The following TTC21B variants were observed in gnomAD, a reference collection of about 807,000 sequenced individuals.
The protein encoded by TTC21B is tetratricopeptide repeat protein 21B.
TTC21B carries 127 observed loss-of-function variants against 175.1 expected under a neutral mutation model. The observed-to-expected ratio is 0.73, with a 90% CI of 0.63 to 0.84. TTC21B has a LOEUF of 0.84. TTC21B is among the 40% of genes least tolerant of loss of function. The pLI, the probability that TTC21B is intolerant of heterozygous loss-of-function variation, is 0.00. For synonymous variants in TTC21B, 524 were observed against 524.5 expected, an observed-to-expected ratio of 1.00 and a Z score of 0.01; for missense variants, 1,561 against 1,558.3, an observed-to-expected ratio of 1.00 and a Z score of -0.03.
At chr2:165,901,276 A>T (rs950978176) in intron 20 of TTC21B, among the ~76,000 whole-genome samples, 13 of 151,856 alleles carry the variant, frequency 8.6e-5, no homozygotes, top group African/African-American at 3.1e-4. Flanking sequence ...TTAATCTTTT[A>T]ACTTGTATTT....
chr2:165,904,679 T>C (rs1685671881), intron 19 of TTC21B, among the ~76,000 whole-genome samples: 1 of 152,202 alleles, frequency 6.6e-6, no homozygotes, highest in African/African-American at 2.4e-5. Context: ...ACACTCTCTG[T>C]GGGAAAATAA....
chr2:165,950,747 A>G (rs1195645041), intron 1 of TTC21B, among the ~76,000 whole-genome samples: 1 of 152,142 alleles, frequency 6.6e-6, no homozygotes, highest in Non-Finnish European at 1.5e-5. Flanking sequence ...ATCTGGGACT[A>G]TAGGCACACC....
intron 18 of TTC21B, among the ~76,000 whole-genome samples, 191 bp from the exon 19 acceptor site, chr2:165,907,975 C>A (rs1685798190): frequency 6.6e-6 from 1 of 151,286 alleles, no homozygotes; most frequent in African/African-American, 2.4e-5. Flanking sequence ...AGGATAAAAA[C>A]TGGCTGGATG....
chr2:165,943,330 C>T lies in TTC21B; in HGVS notation c.441G>A (p.Leu147=), dbSNP rs147696806. ...ISDGSKQGHV[L]KAWLDITRGK... ...CTCTTGTAATATCAAGCCATGCTTT[C>T]AAAACGTGTCCCTGTAAAATGAATA... The change falls in exon 5 of 29, where the codon TTG becomes TTA. Residue 147 remains leucine, a synonymous_variant. Coordinates refer to ENST00000243344, the MANE Select transcript of TTC21B (RefSeq NM_024753.5). 30 of 1,606,992 alleles carry T rather than the reference C, an allele frequency of 1.9e-5. No individual in the cohort carries two copies. In the African/African-American group the frequency reaches 3.7e-4, roughly 20 times the overall value.
At chr2:165,940,938 A>G in intron 6 of TTC21B, 89 bp downstream of exon 6, 5 of 1,459,876 alleles carry the variant, frequency 3.4e-6, no homozygotes, top group Non-Finnish European at 3.8e-6. Flanking sequence ...CAAATTTAAA[A>G]ACCCTTATGA....
At chr2:165,921,428 C>A (rs1686400819) in intron 12 of TTC21B, among the ~76,000 whole-genome samples, 1 of 152,176 alleles carries the variant, frequency 6.6e-6, no homozygotes, top group African/African-American at 2.4e-5. Flanking sequence ...CCCTATCAGA[C>A]CTCACCCTGT....
intron 5 of TTC21B, 31 bp from the exon 6 acceptor site, chr2:165,941,215 A>G (rs1687356317): frequency 1.2e-6 from 2 of 1,612,784 alleles, no homozygotes; most frequent in Non-Finnish European, 1.7e-6. Context: ...TGATATCCAA[A>G]CTGTGATCTT....
At chr2:165,895,235 G>C (rs1417483946) in intron 22 of TTC21B, among the ~76,000 whole-genome samples, 1 of 152,084 alleles carries the variant, frequency 6.6e-6, no homozygotes, top group East Asian at 1.9e-4. Flanking sequence ...TGTTGCTGGA[G>C]TACAAGATCC....
At chr2:165,949,217 A>T in intron 3 of TTC21B, 177 bp downstream of exon 3, 1 of 625,780 alleles carries the variant, frequency 1.6e-6, no homozygotes, top group Non-Finnish European at 2.9e-6. Flanking sequence ...AGTATAAGAC[A>T]CATTTCTTGT....
In TTC21B at chr2:165,945,099, A is replaced by G. The variant is rs1231592743; in HGVS notation, c.429+425T>C. On this transcript the variant is annotated intron_variant, in intron 4 of 28. Coordinates refer to ENST00000243344, the MANE Select transcript of TTC21B (RefSeq NM_024753.5). ...ACAATATTAGCTGGGGATGTGCTCT[A>G]TGCACTACTGGGTTATTCATTCATG... 3.3e-5 allele frequency among the ~76,000 whole-genome samples: 5 copies of G among 152,216 alleles called. No individual in the cohort carries two copies. In the East Asian group the frequency reaches 9.6e-4, roughly 29 times the overall value.
Position 165,913,576 on chromosome 2 carries a change from C to A in TTC21B, c.2209G>T (p.Glu737Ter), listed in dbSNP as rs748663904. 25 of 1,609,450 alleles carry A rather than the reference C, an allele frequency of 1.6e-5. No homozygotes were observed. The highest frequency in any genetic ancestry group is 1.3e-5 in the African/African-American group (1 of 74,780). Residue 737 changes from glutamate (E) to a stop codon, truncating the protein, a stop_gained and splice_region_variant, in exon 16 of 29, where the codon GAG becomes TAG. Coordinates refer to ENST00000243344, the MANE Select transcript of TTC21B (RefSeq NM_024753.5). LOFTEE classifies it high-confidence loss of function. ...LLGDAYMNIL[E>*]PEEAIVAYEQ... ...TTCAGTAACATCAGAAATTTTACCT[C>A]TAGAATATTCATGTATGCATCACCA...
At chr2:165,947,286 AAGTT>A in intron 3 of TTC21B, 1 of 110,240 alleles carries the variant, frequency 9.1e-6, no homozygotes, top group South Asian at 3.4e-4. Context: ...GAAGAAATGT[AAGTT>A]GCGGCCTGTG....
chr2:165,883,243 A>C (rs892793964), intron 26 of TTC21B, among the ~76,000 whole-genome samples: 5 of 152,190 alleles, frequency 3.3e-5, no homozygotes, highest in Non-Finnish European at 5.9e-5. Flanking sequence ...GTAATTAAAC[A>C]TCAAAATGTT....
At chr2:165,940,092 C>A (rs781265386) in intron 6 of TTC21B, among the ~76,000 whole-genome samples, 8 of 152,140 alleles carry the variant, frequency 5.3e-5, no homozygotes, top group Non-Finnish European at 1.0e-4. Flanking sequence ...GTAGTTCAGG[C>A]CAAAAACCTT....
In TTC21B at chr2:165,943,231, A is replaced by G. The variant is rs139893595; in HGVS notation, c.540T>C (p.Ala180=). 1 of 1,613,666 alleles carries G rather than the reference A, an allele frequency of 6.2e-7. No homozygotes were observed. The highest frequency in any genetic ancestry group is 8.5e-7 in the Non-Finnish European group (1 of 1,179,652). The change falls in exon 5 of 29, where the codon GCT becomes GCC. Residue 180 remains alanine, a synonymous_variant. Coordinates refer to ENST00000243344, the MANE Select transcript of TTC21B (RefSeq NM_024753.5). ...EGLQDGNDTF[A]LLGKAQCLEM... ...AACTCCAACTCACCTTACCCAGCAGAGCAAAAGTATCATTCCCATCTTGGA... is the reference window on the plus strand; with the variant it reads ...AACTCCAACTCACCTTACCCAGCAGGGCAAAAGTATCATTCCCATCTTGGA...
In TTC21B at chr2:165,873,389, T is replaced by G. The variant is rs551453985; in HGVS notation, c.*1366A>C. 6.6e-6 allele frequency: 1 copy of G among 152,110 alleles called. No homozygotes were observed. The highest frequency in any genetic ancestry group is 1.5e-5 in the Non-Finnish European group (1 of 68,012). The allele number at this position is 152,110 out of a possible 1,614,324, so 9.4% of individuals were successfully genotyped here. On this transcript the variant is annotated 3_prime_UTR_variant, in exon 29 of 29. Transcript: ENST00000243344. ...ACTTATAAATACTGTTTATTGTAAA[T>G]GCAAATAAAATTGAGGACTGTGTTT...
chr2:165,935,086 A>T (rs1261244013), intron 6 of TTC21B, among the ~76,000 whole-genome samples: 1 of 152,156 alleles, frequency 6.6e-6, no homozygotes, highest in Non-Finnish European at 1.5e-5. Flanking sequence ...CCTTTCTGCC[A>T]AGTGTTATGA....
intron 28 of TTC21B, among the ~76,000 whole-genome samples, chr2:165,875,596 T>C (rs1239588665): frequency 6.6e-6 from 1 of 152,128 alleles, no homozygotes; most frequent in Admixed American, 6.5e-5. Context: ...TAGGTGATCA[T>C]TTACTAGGGG....
chr2:165,875,965 C>T (rs1374665896), intron 28 of TTC21B, among the ~76,000 whole-genome samples, 200 bp downstream of exon 28: 1 of 151,946 alleles, frequency 6.6e-6, no homozygotes, highest in Non-Finnish European at 1.5e-5. Flanking sequence ...ATTATTTGAT[C>T]TCAAAGTAAA....
Sources: gnomAD v4.1 joint callset for allele counts (sites outside exome capture counted in the v4.1 genomes callset) on GRCh38, gnomAD v4.1.1 for gene constraint, MANE v1.5 for transcripts, NCBI Gene and HGNC (gene_info 2026-07-23, HGNC 2026-07-21) for gene names.